Variants in ATXN2 observed in about 807,000 individuals in gnomAD.
ATXN2 encodes ataxin 2.
A neutral mutation model predicts 138.6 loss-of-function variants in ATXN2; 37 were observed. The observed-to-expected ratio is 0.27, with a 90% CI of 0.21 to 0.35. The LOEUF (loss-of-function observed/expected upper bound fraction) is 0.35, where lower values mean the gene tolerates loss of function less well. Ranked by LOEUF, ATXN2 falls within the 10% of genes least tolerant of loss-of-function variation. The probability of loss-of-function intolerance (pLI) is 1.00; values close to 1 mark genes in which losing one functional copy is unlikely to be tolerated. For synonymous variants in ATXN2, 549 were observed against 543.7 expected (o/e 1.01, Z -0.13); for missense variants, 1,216 against 1,480.3 (o/e 0.82, Z 2.93).
rs370103586 is a variant in ATXN2 at position 111,522,520 on chromosome 12, G to A, written c.697-1547C>T. Among the ~76,000 whole-genome samples the A allele has an allele frequency of 5.9e-5, 9 of 152,048 alleles. No individual in the cohort carries two copies. In the East Asian group the frequency reaches 9.7e-4, roughly 16 times the overall value. On this transcript the variant is annotated intron_variant, in intron 6 of 24. Coordinates refer to ENST00000673436, the MANE Select transcript of ATXN2 (RefSeq NM_001372574.1). ...AGCTACTTGGGAGGCTAGGGCAGGA[G>A]AATGGTGTGAACCCGGGAGGCAGAG...
chr12:111,595,580 T>C (rs767699593), intron 1 of ATXN2, among the ~76,000 whole-genome samples: 8 of 149,616 alleles, frequency 5.3e-5, no homozygotes, highest in African/African-American at 2.0e-4. Context: ...AGTCAGAGGC[T>C]GCAGTGAGCT....
intron 16 of ATXN2, 36 bp downstream of exon 16, chr12:111,486,725 G>T: frequency 6.4e-7 from 1 of 1,551,620 alleles, no homozygotes; most frequent in Non-Finnish European, 8.8e-7. Flanking sequence ...TTCTTTTTTT[G>T]GGACTAGATA....
Position 111,453,751 on chromosome 12 carries a change from G to A in ATXN2, c.3365C>T (p.Ala1122Val). The change falls in exon 24 of 25, where the codon GCC (alanine) becomes GTC (valine). Residue 1122 changes from alanine to valine, a missense_variant. Physicochemically the swap from Ala to Val is moderately conservative, Grantham distance 64. Around this residue, in one of 4 missense-constraint regions of ATXN2, gnomAD observed 490 missense variants for 653.5 expected, o/e 0.75. Coordinates refer to ENST00000673436, the MANE Select transcript of ATXN2 (RefSeq NM_001372574.1). This position sits in a 1 kb window ranked among gnomAD's most constrained non-coding sequence, Gnocchi z 5.4. ...TTQPPGGPQA[A>V]LAQSALQPIP... Reference sequence around the variant, plus strand: ...GGGCTGTAGTGCACTTTGAGCGAGGGCGGCCTGGGGACCGCCGGGTGGCTG... The same window carrying A: ...GGGCTGTAGTGCACTTTGAGCGAGGACGGCCTGGGGACCGCCGGGTGGCTG... 1 of 1,614,116 alleles carries A rather than the reference G, an allele frequency of 6.2e-7. No homozygotes were observed. The highest frequency in any genetic ancestry group is 8.5e-7 in the Non-Finnish European group (1 of 1,179,968).
At position 111,542,812 on chromosome 12, in the gene ATXN2, C is replaced by T. The variant is rs188739231; in HGVS notation, c.571+9468G>A. On this transcript the variant is annotated intron_variant, in intron 5 of 24. Coordinates refer to ENST00000673436, the MANE Select transcript of ATXN2 (RefSeq NM_001372574.1). The stretch of plus-strand genomic sequence containing the variant: ...CCATGTATCTTGAATCAACCTTACT[C>T]TTACTAGTACCACACAGTATTTTTT... Among the ~76,000 whole-genome samples, 23 of 152,254 alleles carry T rather than the reference C, an allele frequency of 1.5e-4. No individual in the cohort carries two copies. In the East Asian group the frequency reaches 4.4e-3, roughly 29 times the overall value.
intron 23 of ATXN2, chr12:111,455,260 A>C: frequency 3.1e-6 from 2 of 642,164 alleles, no homozygotes; most frequent in South Asian, 3.3e-5. Context: ...GGCCAGCGTT[A>C]GAGCCCAACT....
intron 16 of ATXN2, 60 bp downstream of exon 16, chr12:111,486,701 A>G (rs1260559130): frequency 2.1e-6 from 3 of 1,402,336 alleles, no homozygotes; most frequent in African/African-American, 2.9e-5. Flanking sequence ...AAGAAGGACT[A>G]TTACTAATAA....
At position 111,599,263 on chromosome 12, in the gene ATXN2, G is replaced by A; in HGVS notation, c.-229C>T. The A allele has an allele frequency of 8.9e-7, 1 of 1,126,430 alleles. No homozygotes were observed. Among genetic ancestry groups the A allele is most frequent in the Non-Finnish European group, 1.1e-6 (1 of 925,076 alleles). The allele number at this position is 1,126,430 out of a possible 1,614,324, so 69.8% of individuals were successfully genotyped here. On this transcript the variant is annotated 5_prime_UTR_variant, in exon 1 of 25. Transcript: ENST00000673436. ...GCCGGGAGCCGGGCCGAAACGCGCC[G>A]CCGCCGTTGCCGTTGCTACCAAAAC...
chr12:111,581,798 G>T, intron 1 of ATXN2: 1 of 508,702 alleles, frequency 2.0e-6, no homozygotes, highest in Non-Finnish European at 3.7e-6. Context: ...GCATTATCTA[G>T]GCCAGGAGCT....
intron 14 of ATXN2, among the ~76,000 whole-genome samples, chr12:111,495,642 G>A (rs1030829597): frequency 3.3e-5 from 5 of 152,042 alleles, no homozygotes; most frequent in East Asian, 1.9e-4. Context: ...AGTAACAGTC[G>A]GAAACTTCAA....
chr12:111,472,226 C>T (rs559787276), intron 18 of ATXN2, among the ~76,000 whole-genome samples: 2 of 152,270 alleles, frequency 1.3e-5, no homozygotes, highest in African/African-American at 4.8e-5. Flanking sequence ...GTAACTGCAC[C>T]ACTGCACTCC....
chr12:111,521,005 G>T, intron 6 of ATXN2, 32 bp from the exon 7 acceptor site: 1 of 1,356,316 alleles, frequency 7.4e-7, no homozygotes, highest in Non-Finnish European at 1.0e-6. Flanking sequence ...TTTTCAAAAT[G>T]TCAAAGTAGT....
intron 1 of ATXN2, among the ~76,000 whole-genome samples, chr12:111,596,576 A>G (rs1001184065): frequency 6.6e-6 from 1 of 152,204 alleles, no homozygotes; most frequent in African/African-American, 2.4e-5. Flanking sequence ...ACTTATTTAC[A>G]AGGAATGCAG....
intron 6 of ATXN2, among the ~76,000 whole-genome samples, chr12:111,523,539 C>T (rs1474002181): frequency 6.6e-6 from 1 of 151,778 alleles, no homozygotes; most frequent in East Asian, 1.9e-4. Context: ...GCCTGGCCAA[C>T]ATATGGTGAA....
At chr12:111,465,726 C>T (rs1193995727) in intron 20 of ATXN2, among the ~76,000 whole-genome samples, 1 of 136,010 alleles carries the variant, frequency 7.4e-6, no homozygotes, top group African/African-American at 2.8e-5. Context: ...GCTGAGATCG[C>T]ACCGCTGCAC....
Position 111,485,833 on chromosome 12 carries a change from C to T in ATXN2, c.2337G>A (p.Arg779=). 8 of 1,613,920 alleles carry T rather than the reference C, an allele frequency of 5.0e-6. No individual in the cohort carries two copies. Among genetic ancestry groups the T allele is most frequent in the Non-Finnish European group, 6.8e-6 (8 of 1,179,916 alleles). ...TAGATGGGCTAGGTTGTGCTTGAGGCCGAGGTGAAGTTGGGGTAGTAGAAG... is the reference window on the plus strand; with the variant it reads ...TAGATGGGCTAGGTTGTGCTTGAGGTCGAGGTGAAGTTGGGGTAGTAGAAG... ...PKPSTTPTSP[R]PQAQPSPSMV... The change falls in exon 17 of 25, where the codon CGG becomes CGA. Residue 779 remains arginine (R), a synonymous_variant. Transcript: ENST00000673436.
chr12:111,534,341 C>T (rs1347525239), intron 5 of ATXN2, among the ~76,000 whole-genome samples: 1 of 151,832 alleles, frequency 6.6e-6, no homozygotes, highest in Non-Finnish European at 1.5e-5. Context: ...GAGGAGGTTG[C>T]GGTGAGCCAA....
chr12:111,485,848 G>C lies in ATXN2; in HGVS notation c.2322C>G (p.Thr774=). ...GTGCTTGAGGCCGAGGTGAAGTTGG[G>C]GTAGTAGAAGGCTTTGGCTACAAAA... is the stretch of plus-strand genomic sequence containing the variant. ...RSFSQPKPST[T]PTSPRPQAQP... The change falls in exon 17 of 25, where the codon ACC becomes ACG. Residue 774 remains threonine (T), a synonymous_variant. Transcript: ENST00000673436. 6.2e-7 allele frequency: 1 copy of C among 1,613,898 alleles called. No homozygotes were observed.
chr12:111,518,984 G>T (rs538804068), intron 8 of ATXN2, among the ~76,000 whole-genome samples: 1 of 152,116 alleles, frequency 6.6e-6, no homozygotes, highest in East Asian at 1.9e-4. Flanking sequence ...ATGAATAAAT[G>T]AAAGACCCAC....
At chr12:111,473,735 G>A (rs1459021765) in intron 18 of ATXN2, among the ~76,000 whole-genome samples, 1 of 150,044 alleles carries the variant, frequency 6.7e-6, no homozygotes, top group Non-Finnish European at 1.5e-5. Flanking sequence ...ACTCCTCACT[G>A]AAAGTACACA....
Sources: gnomAD v4.1 joint callset for allele counts (sites outside exome capture counted in the v4.1 genomes callset) on GRCh38, gnomAD v4.1.1 for gene constraint, gnomAD v4.1.1 regional missense constraint, Gnocchi (gnomAD v3.1) non-coding constraint, MANE v1.5 for transcripts, NCBI Gene and HGNC (gene_info 2026-07-23, HGNC 2026-07-21) for gene names.